The following NPAS3 variants were observed in gnomAD, a reference collection of about 807,000 sequenced individuals.
NPAS3 encodes the protein neuronal PAS domain-containing protein 3.
In NPAS3, 14 loss-of-function variants were observed where a neutral mutation model predicts 73.1. The ratio of observed to expected loss-of-function variants is 0.19; its 90% CI spans 0.13 to 0.30. NPAS3 has a LOEUF of 0.30. Among genes scored for constraint, NPAS3 ranks in the 10% least tolerant of loss-of-function variants. The pLI, the probability that NPAS3 is intolerant of heterozygous loss-of-function variation, is 1.00. For missense variants in NPAS3, 1,096 were observed against 1,250.0 expected, an observed-to-expected ratio of 0.88 and a Z score of 1.86; for synonymous variants, 620 against 541.5, an observed-to-expected ratio of 1.14 and a Z score of -2.01.
Position 32,947,208 on chromosome 14 carries a change from C to A in NPAS3, c.50+7842C>A, listed in dbSNP as rs189276888. 4.5e-3 allele frequency among the ~76,000 whole-genome samples: 692 copies of A among 152,126 alleles called. 1 individual carries two copies. The highest frequency in any genetic ancestry group is 6.5e-3 in the Non-Finnish European group (443 of 67,968). On this transcript the variant is annotated intron_variant, in intron 1 of 11. Coordinates refer to ENST00000356141, the Ensembl canonical transcript of NPAS3. Reference sequence around the variant, plus strand: ...TAAGTGTGAATATAGCTATAATTAACACTCTCTTCCCCAAATCTCTGATTT... The same window carrying A: ...TAAGTGTGAATATAGCTATAATTAAAACTCTCTTCCCCAAATCTCTGATTT...
chr14:33,509,509 T>A (rs912355159), intron 4 of NPAS3, among the ~76,000 whole-genome samples: 10 of 152,088 alleles, frequency 6.6e-5, no homozygotes, highest in Non-Finnish European at 1.3e-4. Context: ...CTTCTAGTTC[T>A]TTCTTGTACA....
chr14:33,490,376 CT>C (rs34297174), intron 4 of NPAS3, among the ~76,000 whole-genome samples: 2 of 152,068 alleles, frequency 1.3e-5, no homozygotes, highest in Non-Finnish European at 1.5e-5. Flanking sequence ...GTTATATTTC[CT>C]TTTTTTCTTT....
At chr14:33,009,510 TGTA>T (rs2039116889) in intron 1 of NPAS3, among the ~76,000 whole-genome samples, 2 of 152,166 alleles carry the variant, frequency 1.3e-5, no homozygotes. Flanking sequence ...AAGAGCCTAA[TGTA>T]GTAATGATGA....
chr14:33,309,964 G>A (rs2042931638), intron 3 of NPAS3, among the ~76,000 whole-genome samples: 1 of 152,122 alleles, frequency 6.6e-6, no homozygotes, highest in Non-Finnish European at 1.5e-5. Flanking sequence ...TGGGCTGGGT[G>A]AGCATGGAGA....
At chr14:33,764,217 A>T (rs2062388401) in intron 7 of NPAS3, among the ~76,000 whole-genome samples, 2 of 152,200 alleles carry the variant, frequency 1.3e-5, no homozygotes, top group Non-Finnish European at 2.9e-5. Context: ...AATGCTCTCT[A>T]GGACTACCAT....
intron 2 of NPAS3, among the ~76,000 whole-genome samples, chr14:33,109,533 A>C (rs1042331667): frequency 2.6e-5 from 4 of 152,142 alleles, no homozygotes; most frequent in Admixed American, 6.6e-5. Context: ...ACTCAAGTGT[A>C]GTTTACATCT....
downstream of NPAS3, chr14:33,801,286 T>C (rs866933466): frequency 7.8e-5 from 104 of 1,336,076 alleles, 3 homozygotes; most frequent in South Asian, 1.5e-3. Context: ...CGTGTAAAGA[T>C]ATGTTTATTT....
At chr14:33,423,005 T>A (rs1332034026) in intron 4 of NPAS3, among the ~76,000 whole-genome samples, 1 of 151,996 alleles carries the variant, frequency 6.6e-6, no homozygotes, top group African/African-American at 2.4e-5. Flanking sequence ...CACCCAGCAA[T>A]AAACATACTT....
At chr14:33,164,048 G>C (rs535279423) in intron 2 of NPAS3, among the ~76,000 whole-genome samples, 11 of 152,320 alleles carry the variant, frequency 7.2e-5, no homozygotes, top group South Asian at 6.2e-4. Context: ...GAAAGAGCTT[G>C]CCTGTTGGTT....
chr14:33,397,977 T>C (rs2047294241), intron 4 of NPAS3, among the ~76,000 whole-genome samples: 1 of 152,196 alleles, frequency 6.6e-6, no homozygotes, highest in East Asian at 1.9e-4. Context: ...TTCATTTTAC[T>C]AAGTTCAGCC....
intron 6 of NPAS3, among the ~76,000 whole-genome samples, chr14:33,691,655 C>A (rs1276267890): frequency 6.6e-6 from 1 of 152,128 alleles, no homozygotes; most frequent in African/African-American, 2.4e-5. Context: ...GACAGGTGCC[C>A]ACTTTAATTT....
At chr14:33,258,122 C>T (rs547545539) in intron 3 of NPAS3, among the ~76,000 whole-genome samples, 17 of 152,186 alleles carry the variant, frequency 1.1e-4, no homozygotes, top group South Asian at 2.1e-4. Flanking sequence ...AGGCTAGGTG[C>T]AGTGGCTCAC....
intron 3 of NPAS3, among the ~76,000 whole-genome samples, chr14:33,276,731 G>A (rs2041353564): frequency 6.6e-6 from 1 of 151,984 alleles, no homozygotes; most frequent in Non-Finnish European, 1.5e-5. Flanking sequence ...CATATAGAAG[G>A]TAATTTATAA....
At chr14:33,390,777 T>C (rs1373749532) in intron 4 of NPAS3, among the ~76,000 whole-genome samples, 2 of 152,204 alleles carry the variant, frequency 1.3e-5, no homozygotes, top group Non-Finnish European at 2.9e-5. Context: ...CATTGCACTT[T>C]TAGGGTCTAG....
At chr14:33,717,804 G>A (rs1426731240) in intron 6 of NPAS3, among the ~76,000 whole-genome samples, 1 of 152,034 alleles carries the variant, frequency 6.6e-6, no homozygotes, top group Non-Finnish European at 1.5e-5. Flanking sequence ...AAATAAAGGT[G>A]CTTATCTCAA....
At chr14:33,069,231 G>A (rs1238126526) in intron 2 of NPAS3, among the ~76,000 whole-genome samples, 4 of 152,166 alleles carry the variant, frequency 2.6e-5, no homozygotes, top group Admixed American at 6.5e-5. Flanking sequence ...TATTCCATGT[G>A]GTGGCACTCA....
chr14:33,725,833 G>A (rs2061249947), intron 6 of NPAS3, among the ~76,000 whole-genome samples: 1 of 152,098 alleles, frequency 6.6e-6, no homozygotes, highest in Non-Finnish European at 1.5e-5. Flanking sequence ...GCTGTTTCAT[G>A]GCTTTCTTTG....
intron 5 of NPAS3, among the ~76,000 whole-genome samples, chr14:33,616,191 G>A (rs892951584): frequency 3.3e-5 from 5 of 152,170 alleles, no homozygotes; most frequent in Admixed American, 2.0e-4. Flanking sequence ...TCGTAAGCTG[G>A]ACAACGGGTC....
chr14:33,384,309 A>G (rs1039818999), intron 4 of NPAS3, among the ~76,000 whole-genome samples: 1 of 152,102 alleles, frequency 6.6e-6, no homozygotes, highest in Non-Finnish European at 1.5e-5. Flanking sequence ...TATAAAATGG[A>G]CGGATTTTGA....
Sources: gnomAD v4.1 joint callset for allele counts (sites outside exome capture counted in the v4.1 genomes callset) on GRCh38, gnomAD v4.1.1 for gene constraint, MANE v1.5 for transcripts, NCBI Gene and HGNC (gene_info 2026-07-23, HGNC 2026-07-21) for gene names.